SNTB1: variants seen among roughly 807,000 people sequenced by gnomAD.
The protein encoded by SNTB1 is beta-1-syntrophin.
A neutral mutation model predicts 48.9 loss-of-function variants in SNTB1; 36 were observed. The observed-to-expected ratio is 0.74, with a 90% CI of 0.56 to 0.97. SNTB1 has a LOEUF of 0.97. Among genes scored for constraint, SNTB1 ranks in the 50% least tolerant of loss-of-function variants. The pLI is 0.00. For synonymous variants in SNTB1, 299 were observed against 294.6 expected (o/e 1.01, Z -0.15); for missense variants, 786 against 703.4 (o/e 1.12, Z -1.33).
chr8:120,539,234 A>C (rs1586983584), intron 6 of SNTB1, among the ~76,000 whole-genome samples: 2 of 152,108 alleles, frequency 1.3e-5, no homozygotes, highest in East Asian at 3.9e-4. Context: ...GCCCTTCTTG[A>C]CTGTCTAAGC....
intron 6 of SNTB1, among the ~76,000 whole-genome samples, chr8:120,541,411 C>T (rs921477781): frequency 4.6e-5 from 7 of 152,110 alleles, no homozygotes; most frequent in African/African-American, 1.7e-4. Context: ...GTCCTCTCCT[C>T]GGAGACTTCC....
intron 4 of SNTB1, among the ~76,000 whole-genome samples, chr8:120,550,759 A>C (rs539408073): frequency 1.3e-5 from 2 of 152,306 alleles, no homozygotes; most frequent in South Asian, 4.1e-4. Context: ...TTCAAATGCA[A>C]GTGAGGCTAA....
chr8:120,636,288 T>C (rs967662847), intron 2 of SNTB1, among the ~76,000 whole-genome samples: 2 of 149,630 alleles, frequency 1.3e-5, no homozygotes, highest in Non-Finnish European at 3.0e-5. Context: ...CATGTACACA[T>C]TGTGCAGGTT....
At chr8:120,810,921 C>T (rs1185199583) in intron 1 of SNTB1, among the ~76,000 whole-genome samples, 2 of 151,750 alleles carry the variant, frequency 1.3e-5, no homozygotes, top group African/African-American at 4.8e-5. Flanking sequence ...ATTCCATATC[C>T]CAGTCCCTAC....
chr8:120,691,158 A>G (rs1818120816), intron 2 of SNTB1, among the ~76,000 whole-genome samples: 1 of 152,260 alleles, frequency 6.6e-6, no homozygotes, highest in African/African-American at 2.4e-5. Flanking sequence ...TTAAAATATA[A>G]TTAAATGACC....
intron 1 of SNTB1, among the ~76,000 whole-genome samples, chr8:120,752,779 C>T (rs999396493): frequency 6.6e-6 from 1 of 151,948 alleles, no homozygotes; most frequent in African/African-American, 2.4e-5. Flanking sequence ...ACTGAGCACA[C>T]ATGGACATAA....
chr8:120,651,757 C>T (rs1184408215), intron 2 of SNTB1, among the ~76,000 whole-genome samples: 2 of 152,050 alleles, frequency 1.3e-5, no homozygotes, highest in Non-Finnish European at 2.9e-5. Flanking sequence ...ACGGAAAAAA[C>T]TCAAGAGTGA....
rs374593019 is a variant in SNTB1 at position 120,548,951 on chromosome 8, G to C, written c.1144C>G (p.His382Asp). Residue 382 changes from histidine (H) to aspartate (D), a missense_variant, in exon 5 of 7, where the codon CAT (histidine) becomes GAT (aspartate). Coordinates refer to ENST00000517992, the MANE Select transcript of SNTB1 (RefSeq NM_021021.4). Reference protein sequence around the residue: ...TYPLLATRLVHSGPGKGSPQA... With the variant: ...TYPLLATRLVDSGPGKGSPQA... The stretch of plus-strand genomic sequence containing the variant: ...GGTGATCCCTTTCCTGGACCTGAAT[G>C]GACCAGCCTGGAGAGAGAGAGAGAG... The C allele has an allele frequency of 7.0e-6, 11 of 1,578,468 alleles. No homozygotes were observed. Among genetic ancestry groups the C allele is most frequent in the Non-Finnish European group, 8.6e-6 (10 of 1,163,988 alleles).
chr8:120,563,144 A>G (rs1586996432), intron 4 of SNTB1, among the ~76,000 whole-genome samples: 1 of 152,114 alleles, frequency 6.6e-6, no homozygotes, highest in Admixed American at 6.5e-5. Flanking sequence ...GGGACTGGGT[A>G]TGCAGAATTT....
chr8:120,563,359 T>C (rs911809215), intron 4 of SNTB1, among the ~76,000 whole-genome samples: 8 of 151,674 alleles, frequency 5.3e-5, no homozygotes, highest in Non-Finnish European at 7.4e-5. Flanking sequence ...TCCCAAGGAC[T>C]CATAAAAAGC....
intron 1 of SNTB1, among the ~76,000 whole-genome samples, chr8:120,727,427 T>G (rs1281866626): frequency 2.0e-5 from 3 of 152,186 alleles, no homozygotes; most frequent in African/African-American, 7.2e-5. Flanking sequence ...CAAGTCATCT[T>G]ATGTTTCTCT....
At chr8:120,761,607 AAG>A (rs1426411573) in intron 1 of SNTB1, among the ~76,000 whole-genome samples, 2 of 152,194 alleles carry the variant, frequency 1.3e-5, no homozygotes, top group Non-Finnish European at 2.9e-5. Flanking sequence ...GAAAAAGAAA[AAG>A]AGAAAACTTG....
chr8:120,784,246 G>A (rs955067608), intron 1 of SNTB1, among the ~76,000 whole-genome samples: 1 of 151,896 alleles, frequency 6.6e-6, no homozygotes, highest in Non-Finnish European at 1.5e-5. Context: ...CGCCTGCCTC[G>A]GCCTCCCAAA....
intron 1 of SNTB1, among the ~76,000 whole-genome samples, chr8:120,754,376 G>C (rs985731692): frequency 6.6e-6 from 1 of 152,124 alleles, no homozygotes; most frequent in Non-Finnish European, 1.5e-5. Flanking sequence ...GTGTATGCCT[G>C]TAGTACCAGC....
intron 1 of SNTB1, among the ~76,000 whole-genome samples, chr8:120,722,568 C>T (rs1291773998): frequency 6.6e-6 from 1 of 151,998 alleles, no homozygotes; most frequent in East Asian, 1.9e-4. Flanking sequence ...CTGTTCATAT[C>T]CGTTGCTCAC....
At chr8:120,565,243 A>G (rs1410830503) in intron 4 of SNTB1, among the ~76,000 whole-genome samples, 1 of 152,172 alleles carries the variant, frequency 6.6e-6, no homozygotes, top group African/African-American at 2.4e-5. Context: ...AAAATAGAAG[A>G]GGGGTTAACA....
chr8:120,787,890 T>A (rs1819949525), intron 1 of SNTB1, among the ~76,000 whole-genome samples: 1 of 152,156 alleles, frequency 6.6e-6, no homozygotes, highest in African/African-American at 2.4e-5. Flanking sequence ...TCCTGGAAGA[T>A]TCATTGCACA....
At chr8:120,779,826 G>A (rs890331704) in intron 1 of SNTB1, among the ~76,000 whole-genome samples, 1 of 152,180 alleles carries the variant, frequency 6.6e-6, no homozygotes, top group Admixed American at 6.5e-5. Flanking sequence ...TCACGTTTGA[G>A]AAATTTCTGG....
intron 4 of SNTB1, among the ~76,000 whole-genome samples, chr8:120,551,588 T>C (rs1815480911): frequency 6.6e-6 from 1 of 151,880 alleles, no homozygotes; most frequent in East Asian, 2.0e-4. Context: ...CAGCTGGGCA[T>C]GCTGGCATGT....
Sources: allele counts gnomAD v4.1 joint callset (sites outside exome capture counted in the v4.1 genomes callset), GRCh38; gene constraint gnomAD v4.1.1; transcripts MANE v1.5; gene names NCBI Gene and HGNC (gene_info 2026-07-23, HGNC 2026-07-21).